Variants in DAP3 observed in about 807,000 individuals in gnomAD.
DAP3 encodes the protein death associated protein 3, also known as small ribosomal subunit protein mS29.
A neutral mutation model predicts 51.9 loss-of-function variants in DAP3; 28 were observed. The observed-to-expected ratio is 0.54, with a 90% CI of 0.40 to 0.74. DAP3 has a LOEUF of 0.74. Among genes scored for constraint, DAP3 ranks in the 30% least tolerant of loss-of-function variants. The pLI is 0.00. For missense variants in DAP3, 458 were observed against 483.5 expected (o/e 0.95, Z 0.49); for synonymous variants, 170 against 170.3 (o/e 1.00, Z 0.01).
chr1:155,709,719 C>T, intron 1 of DAP3, 54 bp from the exon 2 acceptor site: 1 of 1,520,888 alleles, frequency 6.6e-7, no homozygotes, highest in Non-Finnish European at 9.0e-7. Flanking sequence ...CCATGTTGCA[C>T]ACATCTTTTC....
At chr1:155,689,341 T>G in intron 1 of DAP3, 167 bp downstream of exon 1, 1 of 558,894 alleles carries the variant, frequency 1.8e-6, no homozygotes, top group Non-Finnish European at 3.4e-6. Context: ...GGCGTGGTGG[T>G]GTGCTTTTTG....
chr1:155,721,339 AAT>A (rs150118693), intron 3 of DAP3, among the ~76,000 whole-genome samples, 176 bp from the exon 4 acceptor site: 2 of 147,112 alleles, frequency 1.4e-5, no homozygotes, highest in Non-Finnish European at 1.5e-5. Context: ...TTTTAAAAAT[AAT>A]ATATATATAT....
At chr1:155,726,260 C>CACG in intron 6 of DAP3, 2 of 299,076 alleles carry the variant, frequency 6.7e-6, no homozygotes, top group South Asian at 6.1e-5. Context: ...ATTACAGGCG[C>CACG]CCACCACACC....
intron 2 of DAP3, among the ~76,000 whole-genome samples, chr1:155,711,898 G>C (rs968406356): frequency 6.6e-6 from 1 of 151,276 alleles, no homozygotes; most frequent in Non-Finnish European, 1.5e-5. Flanking sequence ...TCCAGTGTTC[G>C]AGGGCGGGAA....
Position 155,738,470 on chromosome 1 carries a change from G to T in DAP3, c.*228G>T. On this transcript the variant is annotated 3_prime_UTR_variant, in exon 13 of 13. Coordinates refer to ENST00000368336, the MANE Select transcript of DAP3 (RefSeq NM_004632.4). ...AACTTTATATCAGTTTATTGGATGT[G>T]GTTTTTCACATTTAAGATAATTATG... The T allele has an allele frequency of 7.0e-6, 3 of 428,998 alleles. No homozygotes were observed. The highest frequency in any genetic ancestry group is 8.2e-6 in the Non-Finnish European group (2 of 243,280). The allele number at this position is 428,998 out of a possible 1,614,324, so 26.6% of individuals were successfully genotyped here.
chr1:155,694,392 C>T (rs1654251931), intron 1 of DAP3, among the ~76,000 whole-genome samples: 1 of 141,548 alleles, frequency 7.1e-6, no homozygotes. Flanking sequence ...GGGACGTATG[C>T]CCAATAGGTA....
intron 1 of DAP3, among the ~76,000 whole-genome samples, chr1:155,707,141 C>T (rs924051593): frequency 7.3e-5 from 11 of 151,018 alleles, no homozygotes; most frequent in Admixed American, 6.6e-5. Context: ...AGGCCAGGCG[C>T]GGTGGCTCAC....
In DAP3 at chr1:155,700,568, G is replaced by T. The variant is rs998784134; in HGVS notation, c.-7-9205G>T. 6.2e-5 allele frequency among the ~76,000 whole-genome samples: 9 copies of T among 144,766 alleles called. 1 individual carries two copies. Among genetic ancestry groups the T allele is most frequent in the African/African-American group, 2.0e-4 (8 of 39,258 alleles). 95.0% of individuals were successfully genotyped at this position (144,766 alleles called of 152,430 possible). Reference sequence around the variant, plus strand: ...CAGCCGCCCCATCCGGGAGGGAGGTGGGGGGTCAGCCCCCCGCCCGGCCAG... The same window carrying T: ...CAGCCGCCCCATCCGGGAGGGAGGTTGGGGGTCAGCCCCCCGCCCGGCCAG... On this transcript the variant is annotated intron_variant, in intron 1 of 12. Transcript: ENST00000368336.
intron 1 of DAP3, among the ~76,000 whole-genome samples, chr1:155,698,428 G>C (rs1179620416): frequency 2.0e-5 from 3 of 152,124 alleles, no homozygotes; most frequent in South Asian, 2.1e-4. Flanking sequence ...CGGTCCCTCT[G>C]TTTGGGGTCC....
chr1:155,736,746 C>T, intron 11 of DAP3, 200 bp from the exon 12 acceptor site: 1 of 566,388 alleles, frequency 1.8e-6, no homozygotes, highest in Non-Finnish European at 3.1e-6. Flanking sequence ...CATTTGTGGC[C>T]ACGTAGAGCA....
Position 155,727,758 on chromosome 1 carries a change from T to C in DAP3, c.603+20T>C, listed in dbSNP as rs543633835. ...AACCAGGTGACTAGACTCCCAGAAG[T>C]TGAGTGCTAGGTAGTCCTTACATGG... On this transcript the variant is annotated intron_variant, in intron 7 of 12. Transcript: ENST00000368336. 1.9e-6 allele frequency: 3 copies of C among 1,612,912 alleles called. No homozygotes were observed. The highest frequency in any genetic ancestry group is 2.2e-5 in the East Asian group (1 of 44,832).
At chr1:155,730,157 G>A (rs1434498222) in intron 9 of DAP3, among the ~76,000 whole-genome samples, 1 of 125,654 alleles carries the variant, frequency 8.0e-6, no homozygotes, top group Non-Finnish European at 1.5e-5. Context: ...CATAATATAC[G>A]AATATACCTA....
At chr1:155,693,175 G>C (rs1172603966) in intron 1 of DAP3, among the ~76,000 whole-genome samples, 1 of 141,704 alleles carries the variant, frequency 7.1e-6, no homozygotes, top group Non-Finnish European at 1.5e-5. Context: ...CACATCAAAC[G>C]TGGAATCAAT....
chr1:155,692,307 C>T (rs1653929404), intron 1 of DAP3, among the ~76,000 whole-genome samples: 2 of 141,642 alleles, frequency 1.4e-5, no homozygotes. Flanking sequence ...TGTGGCTTTC[C>T]ACAACTTACT....
intron 7 of DAP3, 41 bp downstream of exon 7, chr1:155,727,779 CA>C: frequency 6.2e-7 from 1 of 1,601,812 alleles, no homozygotes; most frequent in Non-Finnish European, 8.5e-7. Flanking sequence ...GTAGTCCTTA[CA>C]TGGATTCTTT....
Position 155,725,557 on chromosome 1 carries a change from A to G in DAP3, c.379+67A>G, listed in dbSNP as rs1005770776. 3 of 1,464,628 alleles carry G rather than the reference A, an allele frequency of 2.0e-6. No individual in the cohort carries two copies. In the African/African-American group the frequency reaches 4.2e-5, roughly 20 times the overall value. The allele number at this position is 1,464,628 out of a possible 1,614,324, so 90.7% of individuals were successfully genotyped here. A position where few individuals can be genotyped will look rare whatever the true frequency, so the allele number is the denominator to read the frequency against. ...TTCTCCCCTCAAATAAGGCAACAGA[A>G]GAAATGAAAAAAAGTACTGTTGAGG... is the stretch of plus-strand genomic sequence containing the variant. On this transcript the variant is annotated intron_variant, in intron 5 of 12. Transcript: ENST00000368336.
At chr1:155,703,646 T>G (rs1655594834) in intron 1 of DAP3, among the ~76,000 whole-genome samples, 1 of 152,190 alleles carries the variant, frequency 6.6e-6, no homozygotes, top group Non-Finnish European at 1.5e-5. Flanking sequence ...CAAGCAATTC[T>G]CCTGCCTCAG....
At chr1:155,691,136 T>C (rs553070527) in intron 1 of DAP3, among the ~76,000 whole-genome samples, 1 of 142,024 alleles carries the variant, frequency 7.0e-6, no homozygotes, top group South Asian at 2.1e-4. Flanking sequence ...CTCGATCTCC[T>C]GACCTCATGA....
rs753321958 is a variant in DAP3 at position 155,717,140 on chromosome 1, A to G, written c.168+12A>G. 5.0e-6 allele frequency: 8 copies of G among 1,613,494 alleles called. No individual in the cohort carries two copies. The highest frequency in any genetic ancestry group is 5.9e-6 in the Non-Finnish European group (7 of 1,179,858). On this transcript the variant is annotated intron_variant, in intron 3 of 12. Transcript: ENST00000368336. ...ATGAGAATGACCCGGTGAGTTACTA[A>G]TATGTATATGGGGTTTCTCAGGGCT...
Sources: allele counts gnomAD v4.1 joint callset (sites outside exome capture counted in the v4.1 genomes callset), GRCh38; gene constraint gnomAD v4.1.1; transcripts MANE v1.5; gene names NCBI Gene and HGNC (gene_info 2026-07-23, HGNC 2026-07-21).